The following EPHA6 variants were observed in gnomAD, a reference collection of about 807,000 sequenced individuals.
EPHA6 encodes ephrin type-A receptor 6.
EPHA6 carries 50 observed loss-of-function variants against 112.0 expected under a neutral mutation model. The ratio of observed to expected loss-of-function variants is 0.45; its 90% CI spans 0.36 to 0.56. The LOEUF (loss-of-function observed/expected upper bound fraction) is 0.56, where lower values mean the gene tolerates loss of function less well. Ranked by LOEUF, EPHA6 falls within the 20% of genes least tolerant of loss-of-function variation. The pLI, the probability that EPHA6 is intolerant of heterozygous loss-of-function variation, is 0.00. For missense variants in EPHA6, 1,280 were observed against 1,417.4 expected, an observed-to-expected ratio of 0.90 and a Z score of 1.56; for synonymous variants, 529 against 490.7, an observed-to-expected ratio of 1.08 and a Z score of -1.03.
At chr3:97,700,911 G>A (rs892733965) in intron 14 of EPHA6, among the ~76,000 whole-genome samples, 1 of 152,086 alleles carries the variant, frequency 6.6e-6, no homozygotes, top group Non-Finnish European at 1.5e-5. Flanking sequence ...ACACAGCAGG[G>A]AAAAGAATGG....
intron 1 of EPHA6, among the ~76,000 whole-genome samples, chr3:96,861,938 AT>A (rs1399282544): frequency 6.6e-6 from 1 of 151,800 alleles, no homozygotes; most frequent in Non-Finnish European, 1.5e-5. Flanking sequence ...TCTATGTTAG[AT>A]TTTTTTCAGA....
At chr3:97,301,019 G>A (rs76711901) in intron 5 of EPHA6, among the ~76,000 whole-genome samples, 2,106 of 152,140 alleles carry the variant, frequency 0.014, 49 homozygotes, top group African/African-American at 0.047. Context: ...ATCAATGCCC[G>A]TGAGTGAAAC....
chr3:97,329,573 A>G (rs935000122), intron 5 of EPHA6, among the ~76,000 whole-genome samples: 3 of 151,836 alleles, frequency 2.0e-5, no homozygotes, highest in Non-Finnish European at 4.4e-5. Flanking sequence ...GCCAGTGATG[A>G]TGAGCATTTT....
chr3:97,582,483 G>A (rs1057345078), intron 11 of EPHA6, among the ~76,000 whole-genome samples: 4 of 152,096 alleles, frequency 2.6e-5, no homozygotes, highest in Non-Finnish European at 5.9e-5. Context: ...GACATGGAAG[G>A]AAATCCCATG....
intron 2 of EPHA6, among the ~76,000 whole-genome samples, chr3:96,900,347 G>T (rs900320392): frequency 6.6e-6 from 1 of 152,156 alleles, no homozygotes; most frequent in Non-Finnish European, 1.5e-5. Context: ...ATAGAGGGAA[G>T]AAACTACATA....
chr3:97,029,931 A>G (rs1334830002), intron 3 of EPHA6, among the ~76,000 whole-genome samples: 7 of 152,080 alleles, frequency 4.6e-5, no homozygotes, highest in Non-Finnish European at 8.8e-5. Context: ...TGGATAAGCA[A>G]TTTGGTACTG....
At position 97,547,068 on chromosome 3, in the gene EPHA6, C is replaced by T. The variant is rs578149064; in HGVS notation, c.2386+14525C>T. On this transcript the variant is annotated intron_variant, in intron 11 of 17. Coordinates refer to ENST00000389672, the MANE Select transcript of EPHA6 (RefSeq NM_001080448.3). ...CTGAAGCCTTCTTCTGTCAGCTCAT[C>T]AAAGTCATTCTCCGTCCATCTTTGT... Among the ~76,000 whole-genome samples, 27 of 152,334 alleles carry T rather than the reference C, an allele frequency of 1.8e-4. 1 individual carries two copies. In the East Asian group the frequency reaches 5.0e-3, roughly 28 times the overall value.
intron 3 of EPHA6, among the ~76,000 whole-genome samples, chr3:97,054,081 T>C (rs908617413): frequency 1.3e-5 from 2 of 151,820 alleles, no homozygotes; most frequent in Admixed American, 6.6e-5. Context: ...GCTTACTACA[T>C]ATGAGATGAC....
intron 14 of EPHA6, among the ~76,000 whole-genome samples, chr3:97,645,820 C>G (rs301947): frequency 6.6e-6 from 1 of 151,850 alleles, no homozygotes; most frequent in Non-Finnish European, 1.5e-5. Context: ...TATTTTACCT[C>G]AGATGATTTT....
chr3:96,966,297 T>C (rs1008047005), intron 2 of EPHA6, among the ~76,000 whole-genome samples: 25 of 152,044 alleles, frequency 1.6e-4, no homozygotes, highest in African/African-American at 6.0e-4. Context: ...AAATGTGCTT[T>C]CATTTATTTA....
At position 97,758,768 on chromosome 3, in the gene EPHA6, G is replaced by A. The variant is rs1040786848; in HGVS notation, c.*10067G>A. Among the ~76,000 whole-genome samples the A allele has an allele frequency of 6.6e-6, 1 of 151,858 alleles. No individual in the cohort carries two copies. The highest frequency in any genetic ancestry group is 1.9e-4 in the East Asian group (1 of 5,176). ...GGAAGCATCCATGAGAAGATATGGG[G>A]GAAGAGCATTACAAGCAGAGGGAAA... On this transcript the variant is annotated 3_prime_UTR_variant, in exon 18 of 18. Transcript: ENST00000389672.
At chr3:97,157,559 A>G (rs1008246423) in intron 3 of EPHA6, among the ~76,000 whole-genome samples, 5 of 152,160 alleles carry the variant, frequency 3.3e-5, no homozygotes, top group Admixed American at 2.0e-4. Flanking sequence ...ATTATAATAT[A>G]TTGATTGGCT....
chr3:97,705,256 C>G (rs977417422), intron 14 of EPHA6, among the ~76,000 whole-genome samples: 1 of 152,058 alleles, frequency 6.6e-6, no homozygotes, highest in African/African-American at 2.4e-5. Context: ...TTAGTCTTCC[C>G]TCCCACATTT....
chr3:97,432,231 A>G (rs903132760), intron 6 of EPHA6, among the ~76,000 whole-genome samples: 1 of 152,140 alleles, frequency 6.6e-6, no homozygotes, highest in Non-Finnish European at 1.5e-5. Flanking sequence ...TAAACAACAA[A>G]TGCAATTCCA....
Position 97,448,712 on chromosome 3 carries a change from T to C in EPHA6, c.1876T>C (p.Phe626Leu). ...GYSGYSQKFE[F>L]ETGDETSDMA... Reference sequence around the variant, plus strand: ...CAGTGGCTACAGTCAGAAATTTGAATTTGAAACAGGAGATGAAAGTAAGTT... The same window carrying C: ...CAGTGGCTACAGTCAGAAATTTGAACTTGAAACAGGAGATGAAAGTAAGTT... The change falls in exon 7 of 18, where the codon TTT becomes CTT. Residue 626 changes from phenylalanine to leucine, a missense_variant. Around this residue, in one of 4 missense-constraint regions of EPHA6, gnomAD observed 878 missense variants for 999.7 expected, o/e 0.88. Coordinates refer to ENST00000389672, the MANE Select transcript of EPHA6 (RefSeq NM_001080448.3). 3 of 1,613,370 alleles carry C rather than the reference T, an allele frequency of 1.9e-6. No individual in the cohort carries two copies. The highest frequency in any genetic ancestry group is 2.5e-6 in the Non-Finnish European group (3 of 1,179,482).
chr3:97,251,727 T>C (rs1389853503), intron 5 of EPHA6, among the ~76,000 whole-genome samples: 1 of 152,184 alleles, frequency 6.6e-6, no homozygotes, highest in East Asian at 1.9e-4. Context: ...CCTCTGCACT[T>C]TTCTATTTCG....
At chr3:97,014,959 G>T (rs1322466714) in intron 3 of EPHA6, among the ~76,000 whole-genome samples, 1 of 152,114 alleles carries the variant, frequency 6.6e-6, no homozygotes, top group Non-Finnish European at 1.5e-5. Context: ...ATATTTGTAA[G>T]CTAGATAAAA....
chr3:97,262,052 C>A (rs902263075), intron 5 of EPHA6, among the ~76,000 whole-genome samples: 2 of 152,152 alleles, frequency 1.3e-5, no homozygotes, highest in African/African-American at 4.8e-5. Context: ...CTTCTTGCTT[C>A]TCTACTTAAT....
chr3:97,242,178 C>G (rs1576753941), intron 4 of EPHA6, among the ~76,000 whole-genome samples: 1 of 151,608 alleles, frequency 6.6e-6, no homozygotes, highest in South Asian at 2.1e-4. Context: ...AGCTGAGGTC[C>G]CTTCCTGTTG....
Sources: allele counts gnomAD v4.1 joint callset (sites outside exome capture counted in the v4.1 genomes callset), GRCh38; gene constraint gnomAD v4.1.1; regional missense constraint gnomAD v4.1.1; transcripts MANE v1.5; gene names NCBI Gene and HGNC (gene_info 2026-07-23, HGNC 2026-07-21).